The following LMCD1 variants were observed in gnomAD, a reference collection of about 807,000 sequenced individuals.
The protein encoded by LMCD1 is LIM and cysteine rich domains 1.
LMCD1 carries 32 observed loss-of-function variants against 42.7 expected under a neutral mutation model. That is an observed-to-expected ratio of 0.75 (90% CI 0.57 to 1.01). LMCD1 has a LOEUF of 1.01. LMCD1 is among the 50% of genes least tolerant of loss of function. The pLI, the probability that LMCD1 is intolerant of heterozygous loss-of-function variation, is 0.00. For missense variants in LMCD1, 458 were observed against 483.1 expected, an observed-to-expected ratio of 0.95 and a Z score of 0.49; for synonymous variants, 178 against 184.9, an observed-to-expected ratio of 0.96 and a Z score of 0.30.
intron 1 of LMCD1, among the ~76,000 whole-genome samples, chr3:8,532,444 G>A (rs559973177): frequency 2.5e-4 from 38 of 152,242 alleles, no homozygotes; most frequent in Non-Finnish European, 2.9e-4. Flanking sequence ...ACAGCAGGGC[G>A]TTTCCAACCA....
At chr3:8,536,517 C>A (rs1694510529) in intron 2 of LMCD1, among the ~76,000 whole-genome samples, 1 of 152,170 alleles carries the variant, frequency 6.6e-6, no homozygotes, top group Non-Finnish European at 1.5e-5. Context: ...TCTCTCCCTG[C>A]TGGGTCCTGT....
chr3:8,535,386 C>A (rs1317982009), intron 2 of LMCD1, among the ~76,000 whole-genome samples: 1 of 152,176 alleles, frequency 6.6e-6, no homozygotes, highest in Admixed American at 6.5e-5. Context: ...TCATTTTCTC[C>A]TTTTTGCTAC....
At chr3:8,521,261 G>C (rs1041170980) in intron 1 of LMCD1, among the ~76,000 whole-genome samples, 6 of 152,150 alleles carry the variant, frequency 3.9e-5, no homozygotes, top group African/African-American at 1.4e-4. Context: ...TGTTCAACAA[G>C]GAGCCCGTGT....
intron 1 of LMCD1, among the ~76,000 whole-genome samples, chr3:8,526,772 G>A (rs1694310565): frequency 6.6e-6 from 1 of 152,168 alleles, no homozygotes; most frequent in Non-Finnish European, 1.5e-5. Flanking sequence ...TTTGTACAAG[G>A]TCAGCCTTCA....
intron 4 of LMCD1, among the ~76,000 whole-genome samples, chr3:8,557,508 C>A (rs1361718134): frequency 1.3e-5 from 2 of 152,192 alleles, no homozygotes; most frequent in East Asian, 3.9e-4. Flanking sequence ...GACAGAACTT[C>A]TGGCAAACCC....
intron 5 of LMCD1, among the ~76,000 whole-genome samples, chr3:8,567,043 C>T (rs114756443): frequency 4.1e-4 from 63 of 152,346 alleles, no homozygotes; most frequent in Admixed American, 1.1e-3. Flanking sequence ...AGTGTCACTT[C>T]ATTCCAAGCC....
chr3:8,558,489 C>T (rs1468551118), intron 4 of LMCD1, among the ~76,000 whole-genome samples: 3 of 152,320 alleles, frequency 2.0e-5, no homozygotes, highest in South Asian at 2.1e-4. Context: ...ACATCCTCTA[C>T]CCAGGTGGGA....
chr3:8,565,662 C>T lies in LMCD1; in HGVS notation c.939+15C>T, dbSNP rs1000831241. 4 of 1,574,088 alleles carry T rather than the reference C, an allele frequency of 2.5e-6. No individual in the cohort carries two copies. Among genetic ancestry groups the T allele is most frequent in the East Asian group, 2.3e-5 (1 of 42,740 alleles). Reference sequence around the variant, plus strand: ...GCTGCGATGAGGTGGGAGATAGCCGCGAGATGGGTTAGGGGGCTTGAGGGA... The same window carrying T: ...GCTGCGATGAGGTGGGAGATAGCCGTGAGATGGGTTAGGGGGCTTGAGGGA... On this transcript the variant is annotated intron_variant, in intron 5 of 5. Coordinates refer to ENST00000157600, the MANE Select transcript of LMCD1 (RefSeq NM_014583.4).
At chr3:8,548,048 G>A (rs1237461843) in intron 3 of LMCD1, among the ~76,000 whole-genome samples, 1 of 152,172 alleles carries the variant, frequency 6.6e-6, no homozygotes, top group Non-Finnish European at 1.5e-5. Context: ...GTCAGTATTT[G>A]TGTATATAAA....
chr3:8,542,635 A>C (rs1181552974), intron 3 of LMCD1, among the ~76,000 whole-genome samples: 8 of 152,210 alleles, frequency 5.3e-5, no homozygotes, highest in African/African-American at 1.9e-4. Context: ...ATGATGACAA[A>C]AGGAAATGCC....
At chr3:8,534,638 T>C (rs1179931183) in intron 2 of LMCD1, among the ~76,000 whole-genome samples, 1 of 152,216 alleles carries the variant, frequency 6.6e-6, no homozygotes, top group Non-Finnish European at 1.5e-5. Flanking sequence ...GACATTTAAA[T>C]GACCAAAGTG....
intron 4 of LMCD1, among the ~76,000 whole-genome samples, chr3:8,559,187 A>T (rs571588813): frequency 6.6e-6 from 1 of 152,284 alleles, no homozygotes; most frequent in East Asian, 1.9e-4. Context: ...AGAGCTCATC[A>T]GTGGCAGGAA....
rs144529239 is a variant in LMCD1 at position 8,562,193 on chromosome 3, A to G, written c.724-3239A>G. On this transcript the variant is annotated intron_variant, in intron 4 of 5. Transcript: ENST00000157600. ...CCTTGTCATGGTTTCTGAGCAGGCC[A>G]GTGAAAATGTTACTGGCAGTAAAAG... 6.8e-3 allele frequency among the ~76,000 whole-genome samples: 1,030 copies of G among 152,348 alleles called. 15 individuals carry two copies. Among genetic ancestry groups the G allele is most frequent in the Middle Eastern group, 0.051 (15 of 294 alleles).
chr3:8,546,265 T>C (rs965512167), intron 3 of LMCD1, among the ~76,000 whole-genome samples: 13 of 152,228 alleles, frequency 8.5e-5, no homozygotes, highest in Non-Finnish European at 1.6e-4. Flanking sequence ...TAACGATAGC[T>C]GATGAGCTTA....
intron 1 of LMCD1, among the ~76,000 whole-genome samples, chr3:8,508,050 C>T (rs762116871): frequency 1.3e-5 from 2 of 152,184 alleles, no homozygotes; most frequent in Admixed American, 6.5e-5. Flanking sequence ...AGAGCCATTT[C>T]TCGGGTATAG....
intron 4 of LMCD1, among the ~76,000 whole-genome samples, chr3:8,559,397 A>C (rs1252703270): frequency 3.2e-5 from 4 of 125,722 alleles, no homozygotes; most frequent in African/African-American, 1.4e-4. Context: ...AAGTCCAAAA[A>C]TTCCATTATG....
Position 8,501,930 on chromosome 3 carries a change from C to T in LMCD1, c.-9C>T. ...GAAGCCAGGCGCTGTTCCCCCACCCCAGAAGAGGATGGCAAAGGTGGCTAA... is the reference window on the plus strand; with the variant it reads ...GAAGCCAGGCGCTGTTCCCCCACCCTAGAAGAGGATGGCAAAGGTGGCTAA... On this transcript the variant is annotated 5_prime_UTR_variant, in exon 1 of 6. Transcript: ENST00000157600. 1.3e-6 allele frequency: 2 copies of T among 1,590,342 alleles called. No individual in the cohort carries two copies. Among genetic ancestry groups the T allele is most frequent in the Non-Finnish European group, 1.7e-6 (2 of 1,169,662 alleles).
intron 1 of LMCD1, among the ~76,000 whole-genome samples, chr3:8,510,285 C>G (rs934752903): frequency 5.9e-5 from 9 of 152,166 alleles, no homozygotes; most frequent in African/African-American, 1.7e-4. Flanking sequence ...CCACGGCACA[C>G]GGGTGCTCCC....
intron 1 of LMCD1, among the ~76,000 whole-genome samples, chr3:8,503,434 A>C (rs1407285102): frequency 6.6e-6 from 1 of 152,222 alleles, no homozygotes; most frequent in Non-Finnish European, 1.5e-5. Context: ...CTATTTGCAG[A>C]ATCAAGTCAT....
Sources: allele counts gnomAD v4.1 joint callset (sites outside exome capture counted in the v4.1 genomes callset), GRCh38; gene constraint gnomAD v4.1.1; transcripts MANE v1.5; gene names NCBI Gene and HGNC (gene_info 2026-07-23, HGNC 2026-07-21).